Variants in ZNF358 observed in about 807,000 individuals in gnomAD.
ZNF358 encodes zinc finger protein 358.
Under a neutral mutation model 2.1 loss-of-function variants are expected in ZNF358, and 1 was observed. The ratio of observed to expected loss-of-function variants is 0.49; its 90% CI spans 0.17 to 2.30. ZNF358 has a LOEUF of 2.30. Ranked by LOEUF, ZNF358 falls within the 30% of genes most tolerant of loss-of-function variation. The probability of loss-of-function intolerance (pLI) is 0.26; values close to 1 mark genes in which losing one functional copy is unlikely to be tolerated. For synonymous variants in ZNF358, 381 were observed against 359.7 expected (o/e 1.06, Z -0.67); for missense variants, 665 against 806.8 (o/e 0.82, Z 2.13).
intron 1 of ZNF358, among the ~76,000 whole-genome samples, chr19:7,517,306 A>G (rs982491730): frequency 8.5e-5 from 13 of 152,158 alleles, no homozygotes; most frequent in Non-Finnish European, 1.6e-4. Flanking sequence ...ACTACCCGCC[A>G]TGTCCCAGCC....
In ZNF358 at chr19:7,520,831, C is replaced by T; in HGVS notation, c.1589C>T (p.Pro530Leu). 1 of 1,614,038 alleles carries T rather than the reference C, an allele frequency of 6.2e-7. No homozygotes were observed. The highest frequency in any genetic ancestry group is 1.3e-5 in the African/African-American group (1 of 75,062). The change falls in exon 2 of 2, where the codon CCT (proline) becomes CTT (leucine). Residue 530 changes from proline (P) to leucine (L), a missense_variant. By Grantham distance (98) the Pro-to-Leu change is moderately conservative. Transcript: ENST00000597229. This position sits in a 1 kb window ranked among gnomAD's most constrained non-coding sequence, Gnocchi z 6.0. Reference protein sequence around the residue: ...PDPVPSPDPNPVSCPDPCSPT... With the variant: ...PDPVPSPDPNLVSCPDPCSPT... ...CCTGTGCCCAGCCCTGATCCCAACC[C>T]TGTGTCCTGCCCTGACCCCTGTTCT...
chr19:7,520,116 C>T lies in ZNF358; in HGVS notation c.874C>T (p.Pro292Ser). The change falls in exon 2 of 2, where the codon CCG becomes TCG. Residue 292 changes from proline to serine, a missense_variant. Pro to Ser is a moderately conservative substitution (Grantham distance 74). This residue lies in a region of ZNF358 where 210 missense variants were observed against 350.8 expected (regional missense o/e 0.60). Coordinates refer to ENST00000597229, the MANE Select transcript of ZNF358 (RefSeq NM_018083.5). This position sits in a 1 kb window ranked among gnomAD's most constrained non-coding sequence, Gnocchi z 6.0. ...CACGCACACGGGCGAGCGGCCCTAC[C>T]CGTGTCCGCAGTGCGGCAAGGCCTT... ...LRTHTGERPY[P>S]CPQCGKAFGQ... 6.3e-7 allele frequency: 1 copy of T among 1,594,742 alleles called. No homozygotes were observed. Among genetic ancestry groups the T allele is most frequent in the South Asian group, 1.1e-5 (1 of 90,494 alleles).
chr19:7,520,150 G>C lies in ZNF358; in HGVS notation c.908G>C (p.Ser303Thr). The change falls in exon 2 of 2, where the codon AGC (serine) becomes ACC (threonine). Residue 303 changes from serine (S) to threonine (T), a missense_variant. Physicochemically the swap from Ser to Thr is moderately conservative, Grantham distance 58. Transcript: ENST00000597229. This position sits in a 1 kb window ranked among gnomAD's most constrained non-coding sequence, Gnocchi z 6.0. ...CPQCGKAFGQ[S>T]SALLQHQRTH... ...CAGTGCGGCAAGGCCTTCGGGCAGA[G>C]CTCGGCGCTGCTGCAGCACCAGCGC... The C allele has an allele frequency of 6.3e-7, 1 of 1,599,544 alleles. No homozygotes were observed. The highest frequency in any genetic ancestry group is 8.5e-7 in the Non-Finnish European group (1 of 1,178,464).
rs1298388303 is a variant in ZNF358 at position 7,519,413 on chromosome 19, G to A, written c.171G>A (p.Val57=). Reference sequence around the variant, plus strand: ...ACCTCAACACTGTCCCGGAAGACGTGGACCCCAGCTATGAAGATCTGGAGC... The same window carrying A: ...ACCTCAACACTGTCCCGGAAGACGTAGACCCCAGCTATGAAGATCTGGAGC... ...PEDLNTVPED[V]DPSYEDLEPV... is the part of the protein sequence containing the mutation. Residue 57 remains valine, a synonymous_variant, in exon 2 of 2, where the codon GTG becomes GTA. Coordinates refer to ENST00000597229, the MANE Select transcript of ZNF358 (RefSeq NM_018083.5). 1 of 1,613,892 alleles carries A rather than the reference G, an allele frequency of 6.2e-7. No individual in the cohort carries two copies. The highest frequency in any genetic ancestry group is 8.5e-7 in the Non-Finnish European group (1 of 1,180,002).
chr19:7,520,289 C>T lies in ZNF358; in HGVS notation c.1047C>T (p.Cys349=). 2 of 1,610,370 alleles carry T rather than the reference C, an allele frequency of 1.2e-6. No individual in the cohort carries two copies. The highest frequency in any genetic ancestry group is 1.7e-6 in the Non-Finnish European group (2 of 1,179,538). ...RIHTGERPYA[C]PHCSKAFGQS... is the part of the protein sequence containing the mutation. ...ACACGGGCGAGCGGCCCTACGCCTG[C>T]CCGCACTGCTCCAAGGCCTTCGGCC... The change falls in exon 2 of 2, where the codon TGC becomes TGT. Residue 349 remains cysteine (C), a synonymous_variant. Transcript: ENST00000597229. This position sits in a 1 kb window ranked among gnomAD's most constrained non-coding sequence, Gnocchi z 6.0.
Position 7,520,463 on chromosome 19 carries a change from G to GGCCGCTGCAGCTGCAGCA in ZNF358, c.1224_1241dup (p.Ala411_Ala416dup), listed in dbSNP as rs1568395575. ...GTGCAGCCGCTGCTGCAGCTGCCGC[G>GGCCGCTGCAGCTGCAGCA]GCCGCTGCAGCTGCAGCAGCGGCCG... is the stretch of plus-strand genomic sequence containing the variant. On this transcript the variant is annotated inframe_insertion, in exon 2 of 2. Transcript: ENST00000597229. This position sits in a 1 kb window ranked among gnomAD's most constrained non-coding sequence, Gnocchi z 6.0. The GGCCGCTGCAGCTGCAGCA allele has an allele frequency of 7.0e-7, 1 of 1,434,256 alleles. No homozygotes were observed. The highest frequency in any genetic ancestry group is 2.7e-5 in the East Asian group (1 of 37,370). 88.8% of individuals were successfully genotyped at this position (1,434,256 alleles called of 1,614,324 possible).
Position 7,520,469 on chromosome 19 carries a change from T to TGCAGCTGCAGCAGCGGCCGCC in ZNF358, c.1229_1249dup (p.Ala410_Ala416dup), listed in dbSNP as rs1568395592. The TGCAGCTGCAGCAGCGGCCGCC allele has an allele frequency of 2.1e-5, 16 of 757,184 alleles. No individual in the cohort carries two copies. 46.9% of individuals were successfully genotyped at this position (757,184 alleles called of 1,614,324 possible). ...CCGCTGCTGCAGCTGCCGCGGCCGCTGCAGCTGCAGCAGCGGCCGCCGGCC... is the reference window on the plus strand; with the variant it reads ...CCGCTGCTGCAGCTGCCGCGGCCGCTGCAGCTGCAGCAGCGGCCGCCGCAGCTGCAGCAGCGGCCGCCGGCC... On this transcript the variant is annotated inframe_insertion, in exon 2 of 2. Coordinates refer to ENST00000597229, the MANE Select transcript of ZNF358 (RefSeq NM_018083.5). This position sits in a 1 kb window ranked among gnomAD's most constrained non-coding sequence, Gnocchi z 6.0.
chr19:7,515,167 G>C (rs1321588748), upstream of ZNF358: 1 of 152,200 alleles, frequency 6.6e-6, no homozygotes, highest in East Asian at 1.9e-4. Context: ...CATGGTCACA[G>C]AGTGGCCTTG....
Position 7,520,394 on chromosome 19 carries a change from C to T in ZNF358, c.1152C>T (p.Phe384=), listed in dbSNP as rs1170222035. The T allele has an allele frequency of 2.5e-6, 4 of 1,611,450 alleles. No individual in the cohort carries two copies. The highest frequency in any genetic ancestry group is 1.3e-5 in the African/African-American group (1 of 74,914). ...PYRCQLCGKA[F]GQASSLTKHK... ...GCTGTCAGCTCTGCGGGAAGGCCTT[C>T]GGCCAGGCCTCCAGCCTCACCAAGC... is the stretch of plus-strand genomic sequence containing the variant. Residue 384 remains phenylalanine (F), a synonymous_variant, in exon 2 of 2, where the codon TTC becomes TTT. Coordinates refer to ENST00000597229, the MANE Select transcript of ZNF358 (RefSeq NM_018083.5). This position sits in a 1 kb window ranked among gnomAD's most constrained non-coding sequence, Gnocchi z 6.0.
rs1005902672 is a variant in ZNF358 at position 7,516,921 on chromosome 19, A to AG, written c.-39+676dup. 2.0e-5 allele frequency among the ~76,000 whole-genome samples: 3 copies of AG among 152,068 alleles called. No individual in the cohort carries two copies. Among genetic ancestry groups the AG allele is most frequent in the African/African-American group, 7.2e-5 (3 of 41,398 alleles). Reference sequence around the variant, plus strand: ...AGGGTTCCTCTGCCCCTGATGCAGGAGGGGTCCCAGGTCTTGTTTCCCCCA... The same window carrying AG: ...AGGGTTCCTCTGCCCCTGATGCAGGAGGGGGTCCCAGGTCTTGTTTCCCCCA... On this transcript the variant is annotated intron_variant, in intron 1 of 1. Coordinates refer to ENST00000597229, the MANE Select transcript of ZNF358 (RefSeq NM_018083.5). The surrounding 1 kb of genome is among the most constrained non-coding windows in gnomAD (Gnocchi z 5.9).
intron 1 of ZNF358, among the ~76,000 whole-genome samples, chr19:7,517,642 T>C (rs758297105): frequency 3.4e-4 from 51 of 152,012 alleles, no homozygotes; most frequent in Non-Finnish European, 7.1e-4. Flanking sequence ...TCCCTACCCA[T>C]CCCTCCTCAC....
upstream of ZNF358, among the ~76,000 whole-genome samples, chr19:7,514,177 T>G (rs1404234845): frequency 6.6e-6 from 1 of 151,968 alleles, no homozygotes; most frequent in African/African-American, 2.4e-5. Context: ...AGAAGTAGAG[T>G]GAGAACCTCC....
At chr19:7,515,342 C>T (rs941961750), upstream of ZNF358, 3 of 152,190 alleles carry the variant, frequency 2.0e-5, no homozygotes, top group African/African-American at 4.8e-5. Flanking sequence ...GTAGGGTTCT[C>T]CGGAAACCAT....
Position 7,520,645 on chromosome 19 carries a change from C to T in ZNF358, c.1403C>T (p.Pro468Leu), listed in dbSNP as rs979010715. Reference protein sequence around the residue: ...SGRNPDPGSGPGTLPDPSSKP... With the variant: ...SGRNPDPGSGLGTLPDPSSKP... The stretch of plus-strand genomic sequence containing the variant: ...CGCAACCCTGACCCTGGCTCTGGGC[C>T]GGGCACTCTGCCGGATCCCAGCTCC... Residue 468 changes from proline (P) to leucine (L), a missense_variant, in exon 2 of 2, where the codon CCG (proline) becomes CTG (leucine). By Grantham distance (98) the Pro-to-Leu change is moderately conservative. This residue lies in a region of ZNF358 where 249 missense variants were observed against 227.6 expected (regional missense o/e 1.09). Coordinates refer to ENST00000597229, the MANE Select transcript of ZNF358 (RefSeq NM_018083.5). This position sits in a 1 kb window ranked among gnomAD's most constrained non-coding sequence, Gnocchi z 6.0. 6.4e-7 allele frequency: 1 copy of T among 1,571,824 alleles called. No individual in the cohort carries two copies. The highest frequency in any genetic ancestry group is 8.7e-7 in the Non-Finnish European group (1 of 1,153,566).
chr19:7,516,046 C>G (rs1889712645), upstream of ZNF358: 1 of 143,602 alleles, frequency 7.0e-6, no homozygotes, highest in East Asian at 2.2e-4. This position sits in a 1 kb window ranked among gnomAD's most constrained non-coding sequence, Gnocchi z 5.9. Flanking sequence ...GCGACGGCCG[C>G]GGCGGGCGCG....
In ZNF358 at chr19:7,520,384, G is replaced by C; in HGVS notation, c.1142G>C (p.Gly381Ala). ...CGTCCCTATCGCTGTCAGCTCTGCG[G>C]GAAGGCCTTCGGCCAGGCCTCCAGC... ...GERPYRCQLC[G>A]KAFGQASSLT... The change falls in exon 2 of 2, where the codon GGG becomes GCG. Residue 381 changes from glycine (G) to alanine (A), a missense_variant. Physicochemically the swap from Gly to Ala is moderately conservative, Grantham distance 60. Around this residue, in one of 3 missense-constraint regions of ZNF358, gnomAD observed 210 missense variants for 350.8 expected, o/e 0.60. Transcript: ENST00000597229. The surrounding 1 kb of genome is among the most constrained non-coding windows in gnomAD (Gnocchi z 6.0). 2 of 1,611,986 alleles carry C rather than the reference G, an allele frequency of 1.2e-6. No homozygotes were observed. The highest frequency in any genetic ancestry group is 2.2e-5 in the South Asian group (2 of 91,080).
chr19:7,517,315 C>T (rs546093103), intron 1 of ZNF358, among the ~76,000 whole-genome samples: 8 of 152,278 alleles, frequency 5.3e-5, no homozygotes, highest in East Asian at 1.9e-4. Flanking sequence ...CATGTCCCAG[C>T]CATGGGAGGA....
rs758877695 is a variant in ZNF358 at position 7,520,142 on chromosome 19, C to A, written c.900C>A (p.Phe300Leu). ...CGTGTCCGCAGTGCGGCAAGGCCTT[C>A]GGGCAGAGCTCGGCGCTGCTGCAGC... The part of the protein sequence containing the change: ...PYPCPQCGKA[F>L]GQSSALLQHQ... The change falls in exon 2 of 2, where the codon TTC becomes TTA. Residue 300 changes from phenylalanine to leucine, a missense_variant. Coordinates refer to ENST00000597229, the MANE Select transcript of ZNF358 (RefSeq NM_018083.5). This position sits in a 1 kb window ranked among gnomAD's most constrained non-coding sequence, Gnocchi z 6.0. 6.3e-7 allele frequency: 1 copy of A among 1,599,170 alleles called. No homozygotes were observed. The highest frequency in any genetic ancestry group is 1.1e-5 in the South Asian group (1 of 90,870).
At chr19:7,515,317 C>G (rs968365493), upstream of ZNF358, 2 of 151,994 alleles carry the variant, frequency 1.3e-5, no homozygotes. Flanking sequence ...TGCCCCGAGC[C>G]CTTCCCGGCC....
Sources: allele counts gnomAD v4.1 joint callset (sites outside exome capture counted in the v4.1 genomes callset), GRCh38; gene constraint gnomAD v4.1.1; regional missense constraint gnomAD v4.1.1; non-coding constraint Gnocchi (gnomAD v3.1); transcripts MANE v1.5; gene names NCBI Gene and HGNC (gene_info 2026-07-23, HGNC 2026-07-21).